NBPF4: variants seen among roughly 807,000 people sequenced by gnomAD.
The protein encoded by NBPF4 is NBPF member 4.
In NBPF4, 11 loss-of-function variants were observed where a neutral mutation model predicts 21.1. The observed-to-expected ratio is 0.52, with a 90% CI of 0.33 to 0.86. NBPF4 has a LOEUF of 0.86. Ranked by LOEUF, NBPF4 falls within the 40% of genes least tolerant of loss-of-function variation. NBPF4 has a pLI of 0.03. For missense variants in NBPF4, 88 were observed against 265.3 expected, an observed-to-expected ratio of 0.33 and a Z score of 4.64; for synonymous variants, 47 against 106.4, an observed-to-expected ratio of 0.44 and a Z score of 3.43.
chr1:108,264,034 C>T, the NBPF4 span, among the ~76,000 whole-genome samples: 18 of 108,512 alleles, frequency 1.7e-4, no homozygotes, highest in South Asian at 5.0e-3. Context: ...TCACACATAA[C>T]AATATTAACC....
At chr1:108,229,319 CTG>C (rs1161342120) in intron 12 of NBPF4, among the ~76,000 whole-genome samples, 163 bp from the exon 13 acceptor site, 2 of 147,602 alleles carry the variant, frequency 1.4e-5, no homozygotes, top group Non-Finnish European at 3.0e-5. Context: ...CCTCTCCTGC[CTG>C]TGCCTGGGGA....
rs1439413540 is a variant in NBPF4, at chr1:108,226,670, T to C, written c.1875+9A>G. On this transcript the variant is annotated intron_variant, in intron 14 of 14. Coordinates refer to ENST00000415641, the MANE Select transcript of NBPF4 (RefSeq NM_001143989.3). ...AGTGAGTGCAGCTATCAGCCATAGA[T>C]GTGATTACCTCTGCGCTCTCAGCAT... 1.1e-5 allele frequency: 14 copies of C among 1,324,052 alleles called. 3 individuals are homozygous for C. The highest frequency in any genetic ancestry group is 1.4e-5 in the Non-Finnish European group (14 of 994,258). The allele number at this position is 1,324,052 out of a possible 1,614,324, so 82.0% of individuals were successfully genotyped here. A position where few individuals can be genotyped will look rare whatever the true frequency, so the allele number is the denominator to read the frequency against.
chr1:108,226,224 G>T (rs965512700), intron 14 of NBPF4, among the ~76,000 whole-genome samples: 3 of 151,094 alleles, frequency 2.0e-5, no homozygotes, highest in African/African-American at 7.4e-5. Flanking sequence ...TGAATTAGTT[G>T]TGTTGCTCAA....
chr1:108,254,118 A>G, the NBPF4 span, among the ~76,000 whole-genome samples: 1 of 82,172 alleles, frequency 1.2e-5, no homozygotes, highest in African/African-American at 5.3e-5. Flanking sequence ...CTTGTTGCCC[A>G]GGCTGGAGTG....
chr1:108,244,933 T>C (rs1290127413), upstream of NBPF4, among the ~76,000 whole-genome samples: 3 of 36,600 alleles, frequency 8.2e-5, no homozygotes, highest in African/African-American at 2.9e-4. Flanking sequence ...TATATATATA[T>C]ATATATATAT....
upstream of NBPF4, among the ~76,000 whole-genome samples, chr1:108,244,907 T>TAG (rs1649780703): frequency 3.6e-5 from 1 of 28,008 alleles, no homozygotes; most frequent in Non-Finnish European, 6.7e-5. Flanking sequence ...TGGAGATATA[T>TAG]ATATATATAT....
chr1:108,246,473 A>C (rs1490536567), upstream of NBPF4, among the ~76,000 whole-genome samples: 3 of 119,668 alleles, frequency 2.5e-5, 1 homozygote, highest in Non-Finnish European at 3.6e-5. Flanking sequence ...AATGCTTATT[A>C]CTTATAAGAG....
the NBPF4 span, among the ~76,000 whole-genome samples, chr1:108,259,284 T>G: frequency 2.2e-5 from 3 of 137,820 alleles, no homozygotes; most frequent in African/African-American, 8.7e-5. Context: ...GTCAGTTGAC[T>G]GTCACAAAAA....
chr1:108,244,949 C>A (rs1333853116), upstream of NBPF4, among the ~76,000 whole-genome samples: 1 of 25,460 alleles, frequency 3.9e-5, no homozygotes, highest in Admixed American at 5.7e-4. Flanking sequence ...TATATATATA[C>A]ACACACATAT....
upstream of NBPF4, among the ~76,000 whole-genome samples, chr1:108,248,457 CTTCT>C (rs1558042754): frequency 1.5e-5 from 1 of 65,572 alleles, no homozygotes; most frequent in Non-Finnish European, 2.9e-5. Flanking sequence ...TCTATTTAGT[CTTCT>C]TTAATTTCTC....
chr1:108,241,340 AC>A (rs1649705532), intron 3 of NBPF4, among the ~76,000 whole-genome samples, 176 bp from the exon 4 acceptor site: 1 of 96,982 alleles, frequency 1.0e-5, no homozygotes, highest in African/African-American at 3.4e-5. Context: ...ATATATATAT[AC>A]ACACACACAC....
upstream of NBPF4, among the ~76,000 whole-genome samples, chr1:108,246,747 T>C (rs1217471546): frequency 2.2e-5 from 2 of 90,110 alleles, no homozygotes; most frequent in Non-Finnish European, 4.5e-5. Context: ...AGAGCGCAGC[T>C]GGGTTCCCAC....
the NBPF4 span, among the ~76,000 whole-genome samples, chr1:108,268,315 T>A: frequency 6.7e-6 from 1 of 148,776 alleles, no homozygotes; most frequent in African/African-American, 2.5e-5. Flanking sequence ...ACAGTTTTCA[T>A]AATAAGTTGG....
upstream of NBPF4, among the ~76,000 whole-genome samples, chr1:108,248,135 A>G (rs145573105): frequency 0.049 from 7,230 of 148,092 alleles, 6 homozygotes; most frequent in East Asian, 0.14. Flanking sequence ...AAATAACTGT[A>G]TATATGTGAG....
chr1:108,268,324 G>A, the NBPF4 span, among the ~76,000 whole-genome samples: 1 of 149,020 alleles, frequency 6.7e-6, no homozygotes, highest in East Asian at 2.0e-4. Context: ...ATAATAAGTT[G>A]GGAGAAAATC....
At chr1:108,263,281 AAG>A in the NBPF4 span, among the ~76,000 whole-genome samples, 122 of 78,216 alleles carry the variant, frequency 1.6e-3, no homozygotes, top group African/African-American at 6.9e-3. Context: ...AACCAAGTGG[AAG>A]AGAAGATATC....
chr1:108,248,071 A>G (rs1279517749), upstream of NBPF4, among the ~76,000 whole-genome samples: 1 of 152,014 alleles, frequency 6.6e-6, no homozygotes, highest in Non-Finnish European at 1.5e-5. Context: ...TTTTATTGAA[A>G]AGTCTTTCAT....
chr1:108,264,244 G>A, the NBPF4 span, among the ~76,000 whole-genome samples: 2 of 150,762 alleles, frequency 1.3e-5, no homozygotes, highest in Admixed American at 6.6e-5. Context: ...TGCAATCCTA[G>A]TTTCTGACAG....
intron 12 of NBPF4, among the ~76,000 whole-genome samples, chr1:108,229,628 CTTTTCTGG>C (rs1345185325): frequency 2.9e-5 from 3 of 104,916 alleles, no homozygotes; most frequent in Non-Finnish European, 3.9e-5. Flanking sequence ...GTGAGGCAAA[CTTTTCTGG>C]GTTCGGGGAC....
Sources: gnomAD v4.1 joint callset for allele counts (sites outside exome capture counted in the v4.1 genomes callset) on GRCh38, gnomAD v4.1.1 for gene constraint, MANE v1.5 for transcripts, NCBI Gene and HGNC (gene_info 2026-07-23, HGNC 2026-07-21) for gene names.